Variants in DIAPH1 observed in about 807,000 individuals in gnomAD.
The protein encoded by DIAPH1 is diaphanous related formin 1.
In DIAPH1, 46 loss-of-function variants were observed where a neutral mutation model predicts 140.7. That is an observed-to-expected ratio of 0.33 (90% CI 0.26 to 0.42). The LOEUF (loss-of-function observed/expected upper bound fraction) is 0.42, where lower values mean the gene tolerates loss of function less well. Ranked by LOEUF, DIAPH1 falls within the 10% of genes least tolerant of loss-of-function variation. The pLI is 1.00. For missense variants in DIAPH1, 1,310 were observed against 1,558.7 expected, an observed-to-expected ratio of 0.84 and a Z score of 2.69; for synonymous variants, 565 against 551.6, an observed-to-expected ratio of 1.02 and a Z score of -0.34.
At position 141,618,765 on chromosome 5, in the gene DIAPH1, G is replaced by A; in HGVS notation, c.117+33C>T. The A allele has an allele frequency of 2.7e-6, 4 of 1,479,466 alleles. No homozygotes were observed. The East Asian group carries it at 7.6e-5, about 28-fold the overall frequency. 91.6% of individuals were successfully genotyped at this position (1,479,466 alleles called of 1,614,324 possible). On this transcript the variant is annotated intron_variant, in intron 1 of 27. Transcript: ENST00000389054. Reference sequence around the variant, plus strand: ...CAGGGGTCCAGAGGGCGGTTACGGGGCCAGGCAGGAGCGGGATGGGAGGGA... The same window carrying A: ...CAGGGGTCCAGAGGGCGGTTACGGGACCAGGCAGGAGCGGGATGGGAGGGA...
At chr5:141,596,333 A>C (rs944293603) in intron 1 of DIAPH1, among the ~76,000 whole-genome samples, 3 of 144,728 alleles carry the variant, frequency 2.1e-5, no homozygotes, top group African/African-American at 7.9e-5. Context: ...ACTCTGTCTC[A>C]AAAAAAAAAA....
chr5:141,518,887 C>G (rs1013512244), intron 27 of DIAPH1: 20 of 1,512,236 alleles, frequency 1.3e-5, no homozygotes, highest in Non-Finnish European at 1.8e-5. Flanking sequence ...CTGTTTTCAT[C>G]CCAGGAGAGG....
intron 18 of DIAPH1, chr5:141,563,594 T>A (rs1241367134): frequency 6.6e-6 from 1 of 152,164 alleles, no homozygotes; most frequent in Non-Finnish European, 1.5e-5. Context: ...CCCAACTAGA[T>A]GGTCTAAGTC....
chr5:141,593,734 G>T (rs2099898856), intron 1 of DIAPH1, among the ~76,000 whole-genome samples: 1 of 152,204 alleles, frequency 6.6e-6, no homozygotes, highest in Admixed American at 6.5e-5. Context: ...ATTAAAATAA[G>T]ATACCACTAC....
At chr5:141,590,999 T>C (rs746607023) in intron 1 of DIAPH1, among the ~76,000 whole-genome samples, 2 of 152,212 alleles carry the variant, frequency 1.3e-5, no homozygotes, top group Non-Finnish European at 2.9e-5. Context: ...TATTTCTCCA[T>C]TGAAAAGCCT....
intron 1 of DIAPH1, among the ~76,000 whole-genome samples, chr5:141,607,311 T>C (rs1022851666): frequency 1.3e-5 from 2 of 152,244 alleles, no homozygotes; most frequent in African/African-American, 4.8e-5. Context: ...AATTTTCTTA[T>C]ACATCCTTGA....
chr5:141,556,461 T>C (rs1361757401), intron 18 of DIAPH1, among the ~76,000 whole-genome samples: 4 of 152,232 alleles, frequency 2.6e-5, no homozygotes, highest in Admixed American at 6.5e-5. Context: ...ATGTTCTCCG[T>C]TGACGGCAGT....
At chr5:141,554,736 T>C (rs1185910035) in intron 18 of DIAPH1, among the ~76,000 whole-genome samples, 2 of 152,052 alleles carry the variant, frequency 1.3e-5, no homozygotes, top group Non-Finnish European at 1.5e-5. Flanking sequence ...GAATGCAAAA[T>C]CGGTGTAACA....
chr5:141,611,054 G>A (rs1276175318), intron 1 of DIAPH1, among the ~76,000 whole-genome samples: 1 of 151,984 alleles, frequency 6.6e-6, no homozygotes, highest in Admixed American at 6.6e-5. Flanking sequence ...TTGCACCACT[G>A]CACTCCAGAT....
rs745885817 is a variant in DIAPH1 at position 141,524,101 on chromosome 5, AC to A, written c.3661+41del. 83 of 1,557,984 alleles carry A rather than the reference AC, an allele frequency of 5.3e-5. 1 individual carries two copies. In the South Asian group the frequency reaches 8.9e-4, roughly 17 times the overall value. On this transcript the variant is annotated intron_variant, in intron 27 of 27. Coordinates refer to ENST00000389054, the MANE Select transcript of DIAPH1 (RefSeq NM_005219.5). Reference sequence around the variant, plus strand: ...AGACTGGCAGGAGTAGAGAGCCCTCACCCCCTTCGACACCCAGGATGAGCTC... The same window carrying A: ...AGACTGGCAGGAGTAGAGAGCCCTCACCCCTTCGACACCCAGGATGAGCTC...
At position 141,517,555 on chromosome 5, in the gene DIAPH1, C is replaced by T. The variant is rs114825496; in HGVS notation, c.3662-547G>A. Among the ~76,000 whole-genome samples, 567 of 152,242 alleles carry T rather than the reference C, an allele frequency of 3.7e-3. 3 individuals carry two copies. The highest frequency in any genetic ancestry group is 0.012 in the African/African-American group (509 of 41,516). ...GCCACGCACTGACACCGCACTCCCA[C>T]GTGTTCCTCCAACAACAGATGCCCA... On this transcript the variant is annotated intron_variant, in intron 27 of 27. Transcript: ENST00000389054.
intron 1 of DIAPH1, among the ~76,000 whole-genome samples, chr5:141,602,467 G>C (rs1363245029): frequency 6.6e-6 from 1 of 152,068 alleles, no homozygotes; most frequent in Non-Finnish European, 1.5e-5. Context: ...CACCTGCCTT[G>C]GCCTCCCAAA....
intron 1 of DIAPH1, among the ~76,000 whole-genome samples, chr5:141,597,455 C>T (rs1562341677): frequency 6.6e-6 from 1 of 152,208 alleles, no homozygotes; most frequent in Non-Finnish European, 1.5e-5. Context: ...CATTTTCAGA[C>T]ATTTAAGCTT....
chr5:141,527,805 CTA>C (rs2099887612), intron 23 of DIAPH1, 108 bp from the exon 24 acceptor site: 2 of 1,309,194 alleles, frequency 1.5e-6, no homozygotes, highest in South Asian at 2.8e-5. Flanking sequence ...TAGCTTCAGT[CTA>C]TACACACATT....
chr5:141,529,048 AAG>A, intron 21 of DIAPH1, 107 bp from the exon 22 acceptor site: 2 of 1,584,986 alleles, frequency 1.3e-6, no homozygotes, highest in East Asian at 2.2e-5. Context: ...GAGCAGGGAG[AAG>A]AGAGAGATTA....
intron 18 of DIAPH1, among the ~76,000 whole-genome samples, chr5:141,544,653 T>C (rs2099890513): frequency 3.3e-5 from 5 of 152,186 alleles, no homozygotes; most frequent in Non-Finnish European, 7.4e-5. Flanking sequence ...AACTATGTAC[T>C]AGGAATTAAA....
At chr5:141,553,252 A>G (rs1312754852) in intron 18 of DIAPH1, among the ~76,000 whole-genome samples, 1 of 152,014 alleles carries the variant, frequency 6.6e-6, no homozygotes, top group South Asian at 2.1e-4. Flanking sequence ...AGATCGCACC[A>G]CTGCACTCCA....
intron 18 of DIAPH1, chr5:141,563,692 A>G (rs1453289945): frequency 6.6e-6 from 1 of 152,250 alleles, no homozygotes; most frequent in Non-Finnish European, 1.5e-5. Flanking sequence ...GACTTAAAAG[A>G]TACCATTTCA....
At position 141,516,539 on chromosome 5, in the gene DIAPH1, G is replaced by A; in HGVS notation, c.*312C>T. ...AGAAAAAGCAGGCTGGGCCTTGTCT[G>A]AGATGAGGCCCTCTGAGTAACAGAG... On this transcript the variant is annotated 3_prime_UTR_variant, in exon 28 of 28. Coordinates refer to ENST00000389054, the MANE Select transcript of DIAPH1 (RefSeq NM_005219.5). 1 of 423,726 alleles carries A rather than the reference G, an allele frequency of 2.4e-6. No homozygotes were observed. 26.2% of individuals were successfully genotyped at this position (423,726 alleles called of 1,614,324 possible).
Sources: gnomAD v4.1 joint callset for allele counts (sites outside exome capture counted in the v4.1 genomes callset) on GRCh38, gnomAD v4.1.1 for gene constraint, MANE v1.5 for transcripts, NCBI Gene and HGNC (gene_info 2026-07-23, HGNC 2026-07-21) for gene names.